The following SYNE2 variants were observed in gnomAD, a reference collection of about 807,000 sequenced individuals.
The protein encoded by SYNE2 is spectrin repeat containing nuclear envelope protein 2.
In SYNE2, 431 loss-of-function variants were observed where a neutral mutation model predicts 856.3. The ratio of observed to expected loss-of-function variants is 0.50; its 90% confidence interval spans 0.47 to 0.55. SYNE2 has a LOEUF of 0.55. Among genes scored for constraint, SYNE2 ranks in the 20% least tolerant of loss-of-function variants. The pLI is 0.00. For synonymous variants in SYNE2, 2,923 were observed against 2,872.3 expected (o/e 1.02, Z -0.56); for missense variants, 8,129 against 8,023.2 (o/e 1.01, Z -0.50).
At chr14:64,087,936 A>G in intron 58 of SYNE2, 80 bp downstream of exon 58, 1 of 1,501,914 alleles carries the variant, frequency 6.7e-7, no homozygotes, top group Non-Finnish European at 9.2e-7. Context: ...TAATTCCAGC[A>G]CTTTGGGAGG....
At chr14:63,899,676 AT>A (rs954396524) in intron 1 of SYNE2, among the ~76,000 whole-genome samples, 4 of 152,000 alleles carry the variant, frequency 2.6e-5, no homozygotes, top group African/African-American at 9.7e-5. Context: ...TAATTTTTGT[AT>A]TTTTTGTAAA....
At chr14:64,065,676 A>G (rs759058167) in intron 51 of SYNE2, 26 bp downstream of exon 51, 5 of 1,612,048 alleles carry the variant, frequency 3.1e-6, no homozygotes, top group South Asian at 1.1e-5. Flanking sequence ...TCAACAAACC[A>G]TGTAGTTTCT....
At chr14:64,118,091 A>G (rs889782844) in intron 66 of SYNE2, among the ~76,000 whole-genome samples, 2 of 152,204 alleles carry the variant, frequency 1.3e-5, no homozygotes, top group Non-Finnish European at 2.9e-5. Flanking sequence ...ATTATTTGCA[A>G]TTTTGTTTTA....
At chr14:63,912,337 A>C (rs1365963068) in intron 2 of SYNE2, among the ~76,000 whole-genome samples, 1 of 152,100 alleles carries the variant, frequency 6.6e-6, no homozygotes, top group Non-Finnish European at 1.5e-5. Flanking sequence ...CAGGATTATT[A>C]GCTATTTGAG....
intron 97 of SYNE2, among the ~76,000 whole-genome samples, chr14:64,187,991 C>T (rs1480401386): frequency 6.6e-6 from 1 of 152,140 alleles, no homozygotes; most frequent in African/African-American, 2.4e-5. Flanking sequence ...TGGTTTCCAT[C>T]CAAAATCCAG....
upstream of SYNE2, among the ~76,000 whole-genome samples, chr14:63,849,961 C>T (rs1368336271): frequency 1.3e-5 from 2 of 152,208 alleles, no homozygotes; most frequent in African/African-American, 4.8e-5. Context: ...ACTTGCAAAA[C>T]TTATGCTTAT....
At chr14:64,109,340 G>A (rs1433922623) in intron 65 of SYNE2, among the ~76,000 whole-genome samples, 2 of 151,690 alleles carry the variant, frequency 1.3e-5, no homozygotes, top group Non-Finnish European at 2.9e-5. Flanking sequence ...ATATGGGCCA[G>A]GTACTGGGAT....
rs75574570 is a variant in SYNE2 at position 64,047,843 on chromosome 14, A to G, written c.7222-157A>G. Among the ~76,000 whole-genome samples the G allele has an allele frequency of 1.2e-4, 19 of 152,340 alleles. No individual in the cohort carries two copies. In the East Asian group the frequency reaches 3.7e-3, roughly 29 times the overall value. ...TTGGGGTAATACCAACATAGGCATT[A>G]TTATATGGAAAAATCATCTTTCGTA... On this transcript the variant is annotated intron_variant, in intron 45 of 115. Coordinates refer to ENST00000555002, the MANE Select transcript of SYNE2 (RefSeq NM_182914.3).
Position 63,940,603 on chromosome 14 carries a change from T to G in SYNE2, c.80-11T>G, listed in dbSNP as rs1347408215. 5.0e-6 allele frequency: 8 copies of G among 1,614,036 alleles called. No individual in the cohort carries two copies. The highest frequency in any genetic ancestry group is 3.3e-5 in the Admixed American group (2 of 60,018). On this transcript the variant is annotated splice_polypyrimidine_tract_variant and intron_variant, in intron 2 of 115. Transcript: ENST00000555002. Reference sequence around the variant, plus strand: ...CTGGTTTTATAACTGCTGTTGTTCTTTCTTTGATAGCTGAACAGGAAGACA... The same window carrying G: ...CTGGTTTTATAACTGCTGTTGTTCTGTCTTTGATAGCTGAACAGGAAGACA...
In SYNE2 at chr14:63,993,981, CAT is replaced by C. The variant is rs2096690754; in HGVS notation, c.2781+15_2781+16del. On this transcript the variant is annotated intron_variant, in intron 22 of 115. Coordinates refer to ENST00000555002, the MANE Select transcript of SYNE2 (RefSeq NM_182914.3). ...GTGCCAAATGGGAGGTAAGAACATG[CAT>C]ATGTTTCTGAACTTACGTTTTTATA... 1 of 1,613,062 alleles carries C rather than the reference CAT, an allele frequency of 6.2e-7. No individual in the cohort carries two copies. The highest frequency in any genetic ancestry group is 8.5e-7 in the Non-Finnish European group (1 of 1,179,282).
rs369607835 is a variant in SYNE2, at chr14:64,063,038, G to A, written c.10212+143G>A. On this transcript the variant is annotated intron_variant, in intron 50 of 115. Transcript: ENST00000555002. ...AATATCCATGAATATTCCTCAAATC[G>A]AAAGCCAGAGAGTAATGTTTTATAT... 9.3e-5 allele frequency: 93 copies of A among 996,364 alleles called. 1 individual carries two copies. Among genetic ancestry groups the A allele is most frequent in the African/African-American group, 3.0e-4 (19 of 62,606 alleles). 61.7% of individuals were successfully genotyped at this position (996,364 alleles called of 1,614,324 possible).
At chr14:63,981,466 T>C (rs961985117) in intron 16 of SYNE2, among the ~76,000 whole-genome samples, 1 of 152,174 alleles carries the variant, frequency 6.6e-6, no homozygotes, top group African/African-American at 2.4e-5. Flanking sequence ...TTGGGAGATG[T>C]TTTGCTAAGC....
chr14:64,126,565 C>G, intron 72 of SYNE2, 33 bp from the exon 73 acceptor site: 2 of 1,614,138 alleles, frequency 1.2e-6, no homozygotes, highest in Non-Finnish European at 8.5e-7. Context: ...GAGGTCAGAG[C>G]TCATTCATTG....
intron 2 of SYNE2, among the ~76,000 whole-genome samples, chr14:63,933,866 A>G (rs978408985): frequency 2.0e-5 from 3 of 152,156 alleles, no homozygotes; most frequent in Non-Finnish European, 4.4e-5. Context: ...TTTTTCCCCA[A>G]TGGGTCAGCC....
At chr14:63,864,790 C>T (rs1191316886) in intron 1 of SYNE2, among the ~76,000 whole-genome samples, 3 of 152,102 alleles carry the variant, frequency 2.0e-5, no homozygotes, top group East Asian at 3.9e-4. Context: ...TATCATGAGT[C>T]TGCCTGTTTA....
At chr14:63,841,598 T>C (rs1209388980) in intron 1 of SYNE2, among the ~76,000 whole-genome samples, 7 of 152,254 alleles carry the variant, frequency 4.6e-5, no homozygotes, top group African/African-American at 1.4e-4. Context: ...GCTGAACCAT[T>C]TTGCACTCTC....
At chr14:63,794,022 G>T (rs61985721) in intron 1 of SYNE2, among the ~76,000 whole-genome samples, 80,139 of 151,816 alleles carry the variant, frequency 0.53, 22,019 homozygotes, top group South Asian at 0.65. Flanking sequence ...ATGGTACCAG[G>T]GTTGTTTGTG....
chr14:63,981,394 G>A (rs1596021327), intron 16 of SYNE2, among the ~76,000 whole-genome samples: 1 of 151,964 alleles, frequency 6.6e-6, no homozygotes, highest in African/African-American at 2.4e-5. Context: ...GCACATACAC[G>A]CCCCCCTCTT....
At chr14:63,867,317 T>A (rs1895618294) in intron 1 of SYNE2, among the ~76,000 whole-genome samples, 1 of 151,886 alleles carries the variant, frequency 6.6e-6, no homozygotes, top group African/African-American at 2.4e-5. Context: ...ATTAATATAG[T>A]TACCAAACTA....
Sources: allele counts gnomAD v4.1 joint callset (sites outside exome capture counted in the v4.1 genomes callset), GRCh38; gene constraint gnomAD v4.1.1; transcripts MANE v1.5; gene names NCBI Gene and HGNC (gene_info 2026-07-23, HGNC 2026-07-21).